MBD5: variants seen among roughly 807,000 people sequenced by gnomAD.
The protein encoded by MBD5 is methyl-CpG-binding domain protein 5.
In MBD5, 13 loss-of-function variants were observed where a neutral mutation model predicts 117.3. That is an observed-to-expected ratio of 0.11 (90% CI 0.07 to 0.18). The LOEUF is 0.18. Among genes scored for constraint, MBD5 ranks in the 10% least tolerant of loss-of-function variants. The pLI is 1.00. For missense variants in MBD5, 1,879 were observed against 2,093.8 expected, an observed-to-expected ratio of 0.90 and a Z score of 2.00; for synonymous variants, 727 against 766.4, an observed-to-expected ratio of 0.95 and a Z score of 0.85.
chr2:148,022,093 TGTTTC>T (rs1693763589), intron 1 of MBD5, among the ~76,000 whole-genome samples: 1 of 152,176 alleles, frequency 6.6e-6, no homozygotes, highest in Non-Finnish European at 1.5e-5. Context: ...CCACTGCATT[TGTTTC>T]TGAGTGGGAA....
chr2:148,242,937 A>G (rs1700248140), intron 3 of MBD5, among the ~76,000 whole-genome samples: 2 of 152,206 alleles, frequency 1.3e-5, no homozygotes, highest in African/African-American at 2.4e-5. Context: ...ACGTTTTGCT[A>G]TAGTGGAAGT....
At chr2:148,151,032 G>A (rs1385730634) in intron 1 of MBD5, among the ~76,000 whole-genome samples, 2 of 148,822 alleles carry the variant, frequency 1.3e-5, no homozygotes, top group African/African-American at 5.0e-5. Context: ...TTTTCAAAGG[G>A]AATGCTTCCA....
intron 3 of MBD5, among the ~76,000 whole-genome samples, chr2:148,248,372 A>G (rs1446507800): frequency 1.3e-5 from 2 of 152,162 alleles, no homozygotes; most frequent in Non-Finnish European, 2.9e-5. Flanking sequence ...AAGTGATACC[A>G]AAAAACAAAA....
At chr2:148,111,103 T>C (rs1479326671) in intron 1 of MBD5, among the ~76,000 whole-genome samples, 1 of 152,174 alleles carries the variant, frequency 6.6e-6, no homozygotes, top group Non-Finnish European at 1.5e-5. Flanking sequence ...AGGAGACATG[T>C]CCAAAGGACA....
chr2:148,393,350 C>A (rs893430605), intron 4 of MBD5: 1 of 152,066 alleles, frequency 6.6e-6, no homozygotes, highest in Non-Finnish European at 1.5e-5. Context: ...TAAATCACCT[C>A]CAACAGTCAA....
At chr2:148,242,151 G>A (rs1700228524) in intron 3 of MBD5, among the ~76,000 whole-genome samples, 1 of 152,044 alleles carries the variant, frequency 6.6e-6, no homozygotes, top group African/African-American at 2.4e-5. Flanking sequence ...AATATTAAAT[G>A]TGAAAATATA....
At chr2:148,387,166 A>C (rs566511934) in intron 4 of MBD5, among the ~76,000 whole-genome samples, 1 of 152,318 alleles carries the variant, frequency 6.6e-6, no homozygotes, top group South Asian at 2.1e-4. Context: ...TAAACATAAC[A>C]TTAGCCGACT....
intron 3 of MBD5, among the ~76,000 whole-genome samples, chr2:148,331,218 A>G (rs927882223): frequency 1.3e-5 from 2 of 152,272 alleles, no homozygotes; most frequent in East Asian, 3.9e-4. Flanking sequence ...GTTTCCACAG[A>G]TTATTAAAGT....
chr2:148,152,236 G>C (rs910650349), intron 1 of MBD5, among the ~76,000 whole-genome samples: 1 of 152,186 alleles, frequency 6.6e-6, no homozygotes, highest in Non-Finnish European at 1.5e-5. Context: ...CAGCTTCCAT[G>C]TAGTTGAGTG....
chr2:148,461,213 G>C (rs1056382103), intron 5 of MBD5, among the ~76,000 whole-genome samples: 1 of 152,094 alleles, frequency 6.6e-6, no homozygotes, highest in Non-Finnish European at 1.5e-5. Context: ...GTTTACAGGC[G>C]TGAGCCACTG....
rs1682335557 is a variant in MBD5, at chr2:148,515,941, T to C, written c.*3000T>C. 6.6e-6 allele frequency: 1 copy of C among 152,244 alleles called. No homozygotes were observed. Among genetic ancestry groups the C allele is most frequent in the South Asian group, 2.1e-4 (1 of 4,836 alleles). The allele number at this position is 152,244 out of a possible 1,614,324, so 9.4% of individuals were successfully genotyped here. On this transcript the variant is annotated 3_prime_UTR_variant, in exon 14 of 14. Transcript: ENST00000642680. Reference sequence around the variant, plus strand: ...TATTTAAAGGAACATTTTTGGCTTGTACTTTTCAGTGCCATTATGAATGAA... The same window carrying C: ...TATTTAAAGGAACATTTTTGGCTTGCACTTTTCAGTGCCATTATGAATGAA...
At chr2:148,510,951 TG>T (rs1682196110) in intron 13 of MBD5, among the ~76,000 whole-genome samples, 2 of 152,118 alleles carry the variant, frequency 1.3e-5, no homozygotes. Flanking sequence ...GTAAGTAAAG[TG>T]GGCCAGGTAT....
At chr2:148,249,137 A>G (rs983736066) in intron 3 of MBD5, among the ~76,000 whole-genome samples, 1 of 152,214 alleles carries the variant, frequency 6.6e-6, no homozygotes, top group African/African-American at 2.4e-5. Flanking sequence ...TACAATTGTG[A>G]TATTCTTTTC....
At chr2:148,120,074 G>C (rs1696732057) in intron 1 of MBD5, among the ~76,000 whole-genome samples, 1 of 152,034 alleles carries the variant, frequency 6.6e-6, no homozygotes, top group Non-Finnish European at 1.5e-5. Flanking sequence ...ACGCCACCAT[G>C]CCTGGCTAAT....
intron 1 of MBD5, among the ~76,000 whole-genome samples, chr2:148,115,251 T>C (rs1696606532): frequency 6.6e-6 from 1 of 152,210 alleles, no homozygotes; most frequent in Admixed American, 6.5e-5. Context: ...CTGTGTGCTT[T>C]ATTATTATTT....
rs985066561 is a variant in MBD5, at chr2:148,458,344, A to G, written c.-415A>G. On this transcript the variant is annotated 5_prime_UTR_variant, in exon 5 of 14. Transcript: ENST00000642680. Reference sequence around the variant, plus strand: ...TACCTGGAAATATTAACCGACTCACACTGTAAAAATGAGACCAGTTTCTAA... The same window carrying G: ...TACCTGGAAATATTAACCGACTCACGCTGTAAAAATGAGACCAGTTTCTAA... 4.7e-6 allele frequency: 2 copies of G among 427,364 alleles called. No homozygotes were observed. The highest frequency in any genetic ancestry group is 4.1e-6 in the Non-Finnish European group (1 of 242,274). 26.5% of individuals were successfully genotyped at this position (427,364 alleles called of 1,614,324 possible).
intron 1 of MBD5, among the ~76,000 whole-genome samples, chr2:148,117,568 A>G (rs1354062447): frequency 6.6e-6 from 1 of 152,198 alleles, no homozygotes; most frequent in East Asian, 1.9e-4. Context: ...TTTTTAAGCC[A>G]GATGAAAAAA....
In MBD5 at chr2:148,197,427, G is replaced by A. The variant is rs184794433; in HGVS notation, c.-831+18634G>A. Among the ~76,000 whole-genome samples the A allele has an allele frequency of 9.1e-4, 139 of 152,252 alleles. 1 individual carries two copies. Among genetic ancestry groups the A allele is most frequent in the Admixed American group, 2.3e-3 (35 of 15,294 alleles). On this transcript the variant is annotated intron_variant, in intron 2 of 13. Transcript: ENST00000642680. ...GCAGTAATTAATTAGGACAAAAAAAGGTTCTGTTTCCAGGTAAGTTTGGAA... is the reference window on the plus strand; with the variant it reads ...GCAGTAATTAATTAGGACAAAAAAAAGTTCTGTTTCCAGGTAAGTTTGGAA...
chr2:148,381,770 C>T (rs1385988450), intron 4 of MBD5, among the ~76,000 whole-genome samples: 1 of 152,176 alleles, frequency 6.6e-6, no homozygotes, highest in African/African-American at 2.4e-5. Flanking sequence ...TCAGCAGAAA[C>T]TCTACAAGCC....
Sources: allele counts gnomAD v4.1 joint callset (sites outside exome capture counted in the v4.1 genomes callset), GRCh38; gene constraint gnomAD v4.1.1; transcripts MANE v1.5; gene names NCBI Gene and HGNC (gene_info 2026-07-23, HGNC 2026-07-21).